Variants in TLCD1 observed in about 807,000 individuals in gnomAD.
The protein encoded by TLCD1 is TLC domain containing 1.
A neutral mutation model predicts 21.2 loss-of-function variants in TLCD1; 21 were observed. The ratio of observed to expected loss-of-function variants is 0.99; its 90% CI spans 0.70 to 1.42. The LOEUF (loss-of-function observed/expected upper bound fraction) is 1.42, where lower values mean the gene tolerates loss of function less well. Among genes scored for constraint, TLCD1 ranks in the 40% most tolerant of loss-of-function variants. The pLI is 0.00. For missense variants in TLCD1, 344 were observed against 330.3 expected (o/e 1.04, Z -0.32); for synonymous variants, 168 against 134.8 (o/e 1.25, Z -1.71).
upstream of TLCD1, chr17:28,727,791 T>C (rs1168971627): frequency 6.6e-6 from 1 of 152,010 alleles, no homozygotes; most frequent in East Asian, 1.9e-4. Flanking sequence ...AACTAATTTT[T>C]GTATTTTTAG....
Position 28,724,407 on chromosome 17 carries a change from G to C in TLCD1, c.*103C>G. 7.1e-7 allele frequency: 1 copy of C among 1,400,796 alleles called. No homozygotes were observed. The highest frequency in any genetic ancestry group is 1.4e-5 in the African/African-American group (1 of 69,744). 86.8% of individuals were successfully genotyped at this position (1,400,796 alleles called of 1,614,324 possible). A position where few individuals can be genotyped will look rare whatever the true frequency, so the allele number is the denominator to read the frequency against. The stretch of plus-strand genomic sequence containing the variant: ...TGTGGGCGCAGGCTCAGAAGGTGGA[G>C]AGGCTGGCCTCAGAGGACACCCAGG... On this transcript the variant is annotated 3_prime_UTR_variant, in exon 4 of 4. Coordinates refer to ENST00000292090, the MANE Select transcript of TLCD1 (RefSeq NM_138463.4).
At position 28,725,670 on chromosome 17, in the gene TLCD1, T is replaced by C. The variant is rs2034213323; in HGVS notation, c.195-107A>G. 2.3e-6 allele frequency: 3 copies of C among 1,310,878 alleles called. No homozygotes were observed. The Admixed American group carries it at 5.9e-5, about 26-fold the overall frequency. 81.2% of individuals were successfully genotyped at this position (1,310,878 alleles called of 1,614,324 possible). A position where few individuals can be genotyped will look rare whatever the true frequency, so the allele number is the denominator to read the frequency against. On this transcript the variant is annotated intron_variant, in intron 1 of 3. Transcript: ENST00000292090. ...GGGATCCTGGGCTCGCGCTAGTGGC[T>C]GACTGGGAAGCTAAGAGTGGCTGGG... is the stretch of plus-strand genomic sequence containing the variant.
chr17:28,725,063 T>C (rs2034194275), intron 3 of TLCD1, among the ~76,000 whole-genome samples, 170 bp from the exon 4 acceptor site: 1 of 152,192 alleles, frequency 6.6e-6, no homozygotes, highest in African/African-American at 2.4e-5. Context: ...TTACTAGATT[T>C]TGATTGCTGC....
intron 1 of TLCD1, 47 bp downstream of exon 1, chr17:28,725,857 C>A (rs1310640344): frequency 6.3e-7 from 1 of 1,590,548 alleles, no homozygotes; most frequent in Non-Finnish European, 8.5e-7. Flanking sequence ...CCCCGGCTCC[C>A]CGCTCAGGAT....
rs766368206 is a variant in TLCD1 at position 28,724,552 on chromosome 17, A to G, written c.702T>C (p.His234=). Residue 234 remains histidine (H), a synonymous_variant, in exon 4 of 4, where the codon CAT becomes CAC. Transcript: ENST00000292090. ...RLLRSDFCPE[H]VPKKQHKDKF... ...TGTCTTTGTGTTGCTTCTTGGGGAC[A>G]TGCTCAGGGCAGAAGTCAGAGCGGA... The G allele has an allele frequency of 2.5e-6, 4 of 1,614,048 alleles. No individual in the cohort carries two copies. Among genetic ancestry groups the G allele is most frequent in the African/African-American group, 2.7e-5 (2 of 74,902 alleles).
At chr17:28,725,669 C>T (rs2034213288) in intron 1 of TLCD1, 106 bp from the exon 2 acceptor site, 9 of 1,314,352 alleles carry the variant, frequency 6.8e-6, no homozygotes, top group Non-Finnish European at 9.7e-6. Context: ...GCGCTAGTGG[C>T]TGACTGGGAA....
chr17:28,725,032 CTTTGT>C (rs1237074257), intron 3 of TLCD1, 139 bp from the exon 4 acceptor site: 12 of 1,023,906 alleles, frequency 1.2e-5, no homozygotes, highest in South Asian at 6.7e-5. Context: ...GGGTAAGATG[CTTTGT>C]TTTGTTAGTT....
chr17:28,724,578 G>T lies in TLCD1; in HGVS notation c.676C>A (p.Leu226Ile), dbSNP rs111819682. ...TGCTCAGGGCAGAAGTCAGAGCGGA[G>T]GAGGCGGGAAAAGTAGATTATGATC... is the stretch of plus-strand genomic sequence containing the variant. ...VMIIIYFSRL[L>I]RSDFCPEHVP... Residue 226 changes from leucine to isoleucine, a missense_variant, in exon 4 of 4, where the codon CTC becomes ATC. By Grantham distance (5) the Leu-to-Ile change is conservative. Coordinates refer to ENST00000292090, the MANE Select transcript of TLCD1 (RefSeq NM_138463.4). The T allele has an allele frequency of 5.0e-5, 80 of 1,614,044 alleles. No individual in the cohort carries two copies. The Middle Eastern group carries it at 2.1e-3, about 43-fold the overall frequency.
At chr17:28,726,680 C>G, upstream of TLCD1, 1 of 1,434,890 alleles carries the variant, frequency 7.0e-7, no homozygotes, top group Non-Finnish European at 9.5e-7. Flanking sequence ...AGCCCCGCGT[C>G]CGACAGTGGT....
rs749472511 is a variant in TLCD1, at chr17:28,724,505, GC to G, written c.*4del. 6.2e-6 allele frequency: 10 copies of G among 1,611,814 alleles called. No individual in the cohort carries two copies. Among genetic ancestry groups the G allele is most frequent in the Non-Finnish European group, 8.5e-6 (10 of 1,178,196 alleles). On this transcript the variant is annotated 3_prime_UTR_variant, in exon 4 of 4. Transcript: ENST00000292090. ...CCGTTTTTGTTGTCCCAGGCTCTGT[GC>G]CCCTCACTCAGTCAAGAACTTGTCT...
At position 28,725,339 on chromosome 17, in the gene TLCD1, G is replaced by T; in HGVS notation, c.325C>A (p.Arg109=). 1 of 1,612,952 alleles carries T rather than the reference G, an allele frequency of 6.2e-7. No individual in the cohort carries two copies. Among genetic ancestry groups the T allele is most frequent in the Non-Finnish European group, 8.5e-7 (1 of 1,179,892 alleles). The change falls in exon 3 of 4, where the codon CGA becomes AGA. Residue 109 remains arginine (R), a synonymous_variant. Coordinates refer to ENST00000292090, the MANE Select transcript of TLCD1 (RefSeq NM_138463.4). ...TVDIVASGQT[R]ASWEYLVHHV... ...TGGACAAGGTATTCCCAAGAGGCTC[G>T]CGTCTGTCCGCTAGCCACGATGTCC...
At position 28,724,419 on chromosome 17, in the gene TLCD1, A is replaced by C. The variant is rs571798987; in HGVS notation, c.*91T>G. The C allele has an allele frequency of 2.7e-6, 4 of 1,495,560 alleles. No homozygotes were observed. The Admixed American group carries it at 7.7e-5, about 29-fold the overall frequency. The allele number at this position is 1,495,560 out of a possible 1,614,324, so 92.6% of individuals were successfully genotyped here. ...CTCAGAAGGTGGAGAGGCTGGCCTC[A>C]GAGGACACCCAGGCTTGGGGCTAAG... is the stretch of plus-strand genomic sequence containing the variant. On this transcript the variant is annotated 3_prime_UTR_variant, in exon 4 of 4. Transcript: ENST00000292090.
chr17:28,726,385 T>C, upstream of TLCD1, among the ~76,000 whole-genome samples: 1 of 147,016 alleles, frequency 6.8e-6, no homozygotes, highest in Non-Finnish European at 1.5e-5. Flanking sequence ...CCGTGGCCTC[T>C]CGGCCACCGG....
At position 28,725,305 on chromosome 17, in the gene TLCD1, ATGACG is replaced by A. The variant is rs752741746; in HGVS notation, c.354_358del (p.Val119GlyfsTer41). On this transcript the variant is annotated frameshift_variant and splice_region_variant, in exon 3 of 4. Coordinates refer to ENST00000292090, the MANE Select transcript of TLCD1 (RefSeq NM_138463.4). LOFTEE classifies it high-confidence loss of function. ...CCACATAGTCTGCTTCTCTCTTACC[ATGACG>A]TGATGGACAAGGTATTCCCAAGAGG... 4.3e-6 allele frequency: 7 copies of A among 1,613,918 alleles called. No individual in the cohort carries two copies. Among genetic ancestry groups the A allele is most frequent in the Non-Finnish European group, 5.9e-6 (7 of 1,179,946 alleles).
chr17:28,724,360 CTTTCATTAGTGT>C lies in TLCD1; in HGVS notation c.*138_*149del, dbSNP rs1336243929. 35 of 1,024,870 alleles carry C rather than the reference CTTTCATTAGTGT, an allele frequency of 3.4e-5. No individual in the cohort carries two copies. The East Asian group carries it at 6.2e-4, about 18-fold the overall frequency. The allele number at this position is 1,024,870 out of a possible 1,614,324, so 63.5% of individuals were successfully genotyped here. ...AAAGGACAAGGACTTCAGAGGAGTA[CTTTCATTAGTGT>C]TTTCAATAGTGTGGGCGCAGGCTCA... On this transcript the variant is annotated 3_prime_UTR_variant, in exon 4 of 4. Transcript: ENST00000292090.
In TLCD1 at chr17:28,726,065, C is replaced by A; in HGVS notation, c.33G>T (p.Leu11=). 1 of 1,522,514 alleles carries A rather than the reference C, an allele frequency of 6.6e-7. No individual in the cohort carries two copies. Among genetic ancestry groups the A allele is most frequent in the Non-Finnish European group, 8.8e-7 (1 of 1,141,990 alleles). The allele number at this position is 1,522,514 out of a possible 1,614,324, so 94.3% of individuals were successfully genotyped here. A position where few individuals can be genotyped will look rare whatever the true frequency, so the allele number is the denominator to read the frequency against. MPRLLHPALP[L]LLGATLTFRA... ...GGAAGGTCAGCGTGGCGCCCAGGAG[C>A]AGCGGCAGGGCGGGGTGCAGCAGTC... Residue 11 remains leucine, a synonymous_variant, in exon 1 of 4, where the codon CTG becomes CTT. Coordinates refer to ENST00000292090, the MANE Select transcript of TLCD1 (RefSeq NM_138463.4).
rs2034184708 is a variant in TLCD1, at chr17:28,724,775, C to A, written c.479G>T (p.Ser160Ile). 2.5e-6 allele frequency: 4 copies of A among 1,614,020 alleles called. No homozygotes were observed. The South Asian group carries it at 4.4e-5, about 18-fold the overall frequency. ...FLTIRMMMKI[S>I]NAQDHLLYRV... is the part of the protein sequence containing the mutation. ...GTAGAGGAGATGATCCTGGGCATTA[C>A]TGATTTTCATCATCATGCGAATGGT... The change falls in exon 4 of 4, where the codon AGT becomes ATT. Residue 160 changes from serine to isoleucine, a missense_variant. Ser to Ile is a moderately radical substitution (Grantham distance 142). Coordinates refer to ENST00000292090, the MANE Select transcript of TLCD1 (RefSeq NM_138463.4).
At chr17:28,726,668 G>T, upstream of TLCD1, 2 of 1,342,990 alleles carry the variant, frequency 1.5e-6, no homozygotes, top group Non-Finnish European at 1.0e-6. Flanking sequence ...GGTGGGCTCC[G>T]GAGCCCCGCG....
intron 1 of TLCD1, 77 bp from the exon 2 acceptor site, chr17:28,725,640 C>G: frequency 6.8e-7 from 1 of 1,481,406 alleles, no homozygotes; most frequent in South Asian, 1.1e-5. Flanking sequence ...CCTTCGCAGC[C>G]CCGGGGGATC....
Sources: allele counts gnomAD v4.1 joint callset (sites outside exome capture counted in the v4.1 genomes callset), GRCh38; gene constraint gnomAD v4.1.1; transcripts MANE v1.5; gene names NCBI Gene and HGNC (gene_info 2026-07-23, HGNC 2026-07-21).